MLPH: variants seen among roughly 807,000 people sequenced by gnomAD.
MLPH encodes melanophilin.
In MLPH, 51 loss-of-function variants were observed where a neutral mutation model predicts 72.1. The observed-to-expected ratio is 0.71, with a 90% confidence interval of 0.56 to 0.89. The LOEUF is 0.89. Ranked by LOEUF, MLPH falls within the 40% of genes least tolerant of loss-of-function variation. The pLI is 0.00. For missense variants in MLPH, 743 were observed against 759.9 expected (o/e 0.98, Z 0.26); for synonymous variants, 301 against 310.1 (o/e 0.97, Z 0.31).
rs2080145958 is a variant in MLPH at position 237,520,016 on chromosome 2, G to A, written c.662G>A (p.Arg221Lys). 1 of 1,613,952 alleles carries A rather than the reference G, an allele frequency of 6.2e-7. No individual in the cohort carries two copies. The highest frequency in any genetic ancestry group is 1.3e-5 in the African/African-American group (1 of 75,028). The change falls in exon 6 of 16, where the codon AGG (arginine) becomes AAG (lysine). Residue 221 changes from arginine to lysine, a missense_variant. By Grantham distance (26) the Arg-to-Lys change is conservative (BLOSUM62 2). Transcript: ENST00000264605. ...CACCTGTCCTCAGTCCCTGAGGCCA[G>A]GGACAGCCCACAGGTCAGTGGGTCC... The part of the protein sequence containing the change: ...SLHLSSVPEA[R>K]DSPQSLTDES...
chr2:237,500,077 A>T (rs28503917), intron 2 of MLPH, among the ~76,000 whole-genome samples: 38,878 of 152,148 alleles, frequency 0.26, 8,853 homozygotes, highest in African/African-American at 0.6. Flanking sequence ...ATACGTAGAA[A>T]AATCCAATAA....
intron 13 of MLPH, among the ~76,000 whole-genome samples, chr2:237,548,486 C>T (rs888438139): frequency 6.6e-6 from 1 of 152,212 alleles, no homozygotes; most frequent in African/African-American, 2.4e-5. Context: ...ACCCAGGAAT[C>T]GTGTTAGCCA....
chr2:237,509,097 C>A (rs1380346848), intron 2 of MLPH, among the ~76,000 whole-genome samples: 1 of 152,212 alleles, frequency 6.6e-6, no homozygotes, highest in African/African-American at 2.4e-5. Context: ...CCTGGAGTGG[C>A]TGGCAGATGT....
At chr2:237,550,497 C>G (rs2081009844) in intron 14 of MLPH, among the ~76,000 whole-genome samples, 4 of 152,182 alleles carry the variant, frequency 2.6e-5, no homozygotes, top group Admixed American at 2.0e-4. Flanking sequence ...TGTGCTGGCT[C>G]TGCGGGGAGT....
rs1209983671 is a variant in MLPH, at chr2:237,513,403, C to G, written c.445+2302C>G. ...CCTTCCAGTGCCTTTCCCTCTTTCC[C>G]TCGGTGGTAGCTTTGCCTGACAGTG... is the stretch of plus-strand genomic sequence containing the variant. On this transcript the variant is annotated intron_variant, in intron 4 of 15. Transcript: ENST00000264605. 2.0e-5 allele frequency among the ~76,000 whole-genome samples: 3 copies of G among 152,216 alleles called. No homozygotes were observed. The East Asian group carries it at 5.8e-4, about 29-fold the overall frequency.
chr2:237,520,898 T>G (rs2080168479), intron 6 of MLPH, among the ~76,000 whole-genome samples: 1 of 152,212 alleles, frequency 6.6e-6, no homozygotes. Context: ...GAATTGTGGC[T>G]GAATAAAATC....
chr2:237,529,597 T>A (rs2080376371), intron 8 of MLPH, among the ~76,000 whole-genome samples: 1 of 152,190 alleles, frequency 6.6e-6, no homozygotes, highest in Non-Finnish European at 1.5e-5. Flanking sequence ...CTAGGTTCTT[T>A]AAGGCAATGA....
intron 4 of MLPH, among the ~76,000 whole-genome samples, chr2:237,517,501 A>G (rs188453239): frequency 2.0e-5 from 3 of 148,294 alleles, no homozygotes; most frequent in East Asian, 2.1e-4. Flanking sequence ...ATAGATGGAT[A>G]GATGTCTGAG....
At chr2:237,537,329 T>G (rs558285873) in intron 9 of MLPH, among the ~76,000 whole-genome samples, 1 of 152,164 alleles carries the variant, frequency 6.6e-6, no homozygotes, top group Non-Finnish European at 1.5e-5. Flanking sequence ...GCGAAGACAA[T>G]CCCTGCCTCT....
intron 11 of MLPH, 142 bp from the exon 12 acceptor site, chr2:237,542,425 C>T: frequency 1.4e-6 from 1 of 724,476 alleles, no homozygotes; most frequent in South Asian, 1.5e-5. Flanking sequence ...GGGCATGGGG[C>T]TGTGATGCCA....
intron 2 of MLPH, among the ~76,000 whole-genome samples, chr2:237,494,760 C>T (rs536798011): frequency 2.0e-5 from 3 of 152,102 alleles, no homozygotes; most frequent in African/African-American, 4.8e-5. Context: ...GTGTGTTGAG[C>T]GGGTGTTGGA....
intron 15 of MLPH, among the ~76,000 whole-genome samples, chr2:237,552,832 T>C (rs1307797011): frequency 6.6e-6 from 1 of 152,192 alleles, no homozygotes; most frequent in Non-Finnish European, 1.5e-5. Flanking sequence ...TCCATGTGTG[T>C]ATGTGTGTGG....
chr2:237,548,736 G>A (rs372077147), intron 13 of MLPH, among the ~76,000 whole-genome samples: 5 of 152,194 alleles, frequency 3.3e-5, no homozygotes, highest in East Asian at 3.8e-4. Flanking sequence ...TAAATTAGCC[G>A]GGCGTGGTGG....
At chr2:237,528,698 T>A (rs1319126787) in intron 8 of MLPH, among the ~76,000 whole-genome samples, 1 of 152,024 alleles carries the variant, frequency 6.6e-6, no homozygotes, top group Non-Finnish European at 1.5e-5. Context: ...CACCTCTCTC[T>A]AATTCCAAAA....
intron 1 of MLPH, among the ~76,000 whole-genome samples, chr2:237,489,119 C>G (rs997908416): frequency 6.6e-6 from 1 of 152,270 alleles, no homozygotes; most frequent in African/African-American, 2.4e-5. Context: ...GGTGGCTGGG[C>G]TGGCTGTGCC....
rs1445845494 is a variant in MLPH, at chr2:237,542,478, C to G, written c.1447-89C>G. On this transcript the variant is annotated intron_variant, in intron 11 of 15. Transcript: ENST00000264605. ...AAGTAAAATTGGCTCCAGGACTGAG[C>G]TGGGGGCAGCTGCTCTTTCTGTCCA... 13 of 1,069,282 alleles carry G rather than the reference C, an allele frequency of 1.2e-5. No homozygotes were observed. In the South Asian group the frequency reaches 1.8e-4, roughly 14 times the overall value. The allele number at this position is 1,069,282 out of a possible 1,614,324, so 66.2% of individuals were successfully genotyped here. A position where few individuals can be genotyped will look rare whatever the true frequency, so the allele number is the denominator to read the frequency against.
At chr2:237,540,286 C>A (rs922773112) in intron 9 of MLPH, 62 bp from the exon 10 acceptor site, 1 of 1,577,996 alleles carries the variant, frequency 6.3e-7, no homozygotes, top group African/African-American at 1.4e-5. Context: ...CCAGAGCCAG[C>A]CCTGGAGCTC....
intron 2 of MLPH, among the ~76,000 whole-genome samples, chr2:237,503,075 C>T (rs1017317778): frequency 6.6e-6 from 1 of 152,190 alleles, no homozygotes; most frequent in Non-Finnish European, 1.5e-5. Context: ...GCCAAGATCA[C>T]ACCACTTCAG....
intron 2 of MLPH, among the ~76,000 whole-genome samples, chr2:237,494,344 G>A (rs571520068): frequency 2.4e-4 from 37 of 152,174 alleles, no homozygotes; most frequent in African/African-American, 6.7e-4. Context: ...ACAGGCTGGC[G>A]AGGCTGGAGT....
Sources: gnomAD v4.1 joint callset for allele counts (sites outside exome capture counted in the v4.1 genomes callset) on GRCh38, gnomAD v4.1.1 for gene constraint, MANE v1.5 for transcripts, NCBI Gene and HGNC (gene_info 2026-07-23, HGNC 2026-07-21) for gene names.